TFPT: variants seen among roughly 807,000 people sequenced by gnomAD.
The protein encoded by TFPT is TCF3 fusion partner.
TFPT carries 27 observed loss-of-function variants against 28.8 expected under a neutral mutation model. The ratio of observed to expected loss-of-function variants is 0.94; its 90% CI spans 0.69 to 1.29. The LOEUF is 1.29. Among genes scored for constraint, TFPT ranks in the 50% most tolerant of loss-of-function variants. The pLI is 0.00. For synonymous variants in TFPT, 152 were observed against 142.8 expected (o/e 1.06, Z -0.46); for missense variants, 330 against 338.0 (o/e 0.98, Z 0.19).
At chr19:54,107,971 A>C (rs372234674) in intron 5 of TFPT, 55 bp downstream of exon 5, 4 of 1,488,090 alleles carry the variant, frequency 2.7e-6, no homozygotes, top group Non-Finnish European at 3.6e-6. Context: ...CCTTACCTGC[A>C]CTGGCGCCGG....
chr19:54,113,172 C>T (rs761201387), intron 2 of TFPT, among the ~76,000 whole-genome samples: 10 of 151,278 alleles, frequency 6.6e-5, no homozygotes, highest in South Asian at 2.1e-4. Context: ...CCCCCAGTAC[C>T]TCAGGATCAC....
At chr19:54,112,994 G>A (rs1345709641) in intron 2 of TFPT, among the ~76,000 whole-genome samples, 3 of 149,162 alleles carry the variant, frequency 2.0e-5, no homozygotes, top group African/African-American at 5.0e-5. Flanking sequence ...TAGGGAGGCT[G>A]AGTCAGGAGA....
At chr19:54,111,108 G>T (rs1466043024) in intron 2 of TFPT, among the ~76,000 whole-genome samples, 1 of 152,192 alleles carries the variant, frequency 6.6e-6, no homozygotes, top group African/African-American at 2.4e-5. Context: ...GGTGACAGGA[G>T]GAAAGTATGC....
At chr19:54,110,808 A>G (rs2073432313) in intron 2 of TFPT, among the ~76,000 whole-genome samples, 1 of 152,072 alleles carries the variant, frequency 6.6e-6, no homozygotes, top group African/African-American at 2.4e-5. Flanking sequence ...AGGAGGCAGG[A>G]CGCAGCCTCT....
chr19:54,110,934 A>G (rs1329020855), intron 2 of TFPT, among the ~76,000 whole-genome samples: 1 of 152,212 alleles, frequency 6.6e-6, no homozygotes, highest in African/African-American at 2.4e-5. Context: ...CACGTAGTAC[A>G]TCCTCGATGA....
At chr19:54,113,347 GTT>G (rs2073509105) in intron 2 of TFPT, among the ~76,000 whole-genome samples, 2 of 152,132 alleles carry the variant, frequency 1.3e-5, no homozygotes, top group African/African-American at 4.8e-5. Context: ...TCAGGGTGAT[GTT>G]TGTACGTGCC....
At chr19:54,107,737 A>C (rs2073312704) in intron 5 of TFPT, among the ~76,000 whole-genome samples, 1 of 151,666 alleles carries the variant, frequency 6.6e-6, no homozygotes, top group Non-Finnish European at 1.5e-5. Flanking sequence ...TTCCTTCTCC[A>C]GGTCTTCCTC....
intron 5 of TFPT, 128 bp from the exon 6 acceptor site, chr19:54,107,297 G>A (rs1273072028): frequency 1.1e-5 from 14 of 1,258,422 alleles, no homozygotes; most frequent in Non-Finnish European, 1.4e-5. Context: ...TGCCCAGGCT[G>A]GAGTGCAGTG....
chr19:54,107,208 A>G (rs1320676707), intron 5 of TFPT, 39 bp from the exon 6 acceptor site: 6 of 1,584,676 alleles, frequency 3.8e-6, no homozygotes, highest in Non-Finnish European at 5.1e-6. Context: ...CAGGCCTGGG[A>G]ATCTAGAAAA....
intron 3 of TFPT, among the ~76,000 whole-genome samples, 168 bp downstream of exon 3, chr19:54,109,883 A>AGCG (rs2073402169): frequency 1.0e-3 from 30 of 29,832 alleles, no homozygotes; most frequent in Non-Finnish European, 1.3e-3. Context: ...CTCCTCCAAC[A>AGCG]CCGAATCCCA....
chr19:54,107,783 C>A (rs1336542690), intron 5 of TFPT, among the ~76,000 whole-genome samples: 3 of 152,162 alleles, frequency 2.0e-5, no homozygotes, highest in Admixed American at 1.3e-4. Context: ...TTTACCCAAG[C>A]CTTTACCCCA....
At chr19:54,109,957 G>C (rs991181449) in intron 3 of TFPT, 94 bp downstream of exon 3, 25 of 1,267,942 alleles carry the variant, frequency 2.0e-5, no homozygotes, top group Non-Finnish European at 2.7e-5. Flanking sequence ...TGGCTTGTGA[G>C]GGTTGGGTGG....
At position 54,108,032 on chromosome 19, in the gene TFPT, C is replaced by G. The variant is rs193019766; in HGVS notation, c.636G>C (p.Pro212=). 1 of 1,519,408 alleles carries G rather than the reference C, an allele frequency of 6.6e-7. No individual in the cohort carries two copies. The highest frequency in any genetic ancestry group is 2.3e-5 in the East Asian group (1 of 44,052). 94.1% of individuals were successfully genotyped at this position (1,519,408 alleles called of 1,614,324 possible). A position where few individuals can be genotyped will look rare whatever the true frequency, so the allele number is the denominator to read the frequency against. The part of the protein sequence containing the change: ...AGNALTPELA[P]VQIKVEEDFG... Reference sequence around the variant, plus strand: ...GAGTTCCCGCCTTCCTCACCTGCACCGGGGCCAGCTCTGGAGTCAGCGCAT... The same window carrying G: ...GAGTTCCCGCCTTCCTCACCTGCACGGGGGCCAGCTCTGGAGTCAGCGCAT... The change falls in exon 5 of 6, where the codon CCG becomes CCC. Residue 212 remains proline, a synonymous_variant. Transcript: ENST00000391759.
chr19:54,110,903 C>A (rs1172023801), intron 2 of TFPT, among the ~76,000 whole-genome samples: 1 of 152,178 alleles, frequency 6.6e-6, no homozygotes, highest in African/African-American at 2.4e-5. Context: ...TTCTACATCC[C>A]GTGCCTTAAC....
intron 3 of TFPT, chr19:54,108,801 A>G (rs1195038035): frequency 9.0e-6 from 5 of 557,322 alleles, no homozygotes; most frequent in Non-Finnish European, 1.2e-5. Flanking sequence ...CACCTCTTAT[A>G]AACACCCCCT....
In TFPT at chr19:54,108,214, T is replaced by A. The variant is rs1311809936; in HGVS notation, c.454A>T (p.Thr152Ser). ...GGCTCATTCTCCGCATTGCCTGGGG[T>A]GGGGGCATCCGTGCCCTGGCTGCCC... ...DEGSQGTDAP[T>S]PGNAENEPPE... The change falls in exon 5 of 6, where the codon ACC (threonine) becomes TCC (serine). Residue 152 changes from threonine (T) to serine (S), a missense_variant. Coordinates refer to ENST00000391759, the MANE Select transcript of TFPT (RefSeq NM_013342.4). 6.3e-7 allele frequency: 1 copy of A among 1,597,032 alleles called. No individual in the cohort carries two copies.
At chr19:54,112,126 G>A (rs587594725) in intron 2 of TFPT, among the ~76,000 whole-genome samples, 1 of 151,852 alleles carries the variant, frequency 6.6e-6, no homozygotes, top group East Asian at 1.9e-4. Flanking sequence ...AAAATTAGCT[G>A]GGCTTGGTGG....
At chr19:54,114,910 C>G in intron 1 of TFPT, 1 of 741,040 alleles carries the variant, frequency 1.3e-6, no homozygotes, top group South Asian at 1.9e-5. Flanking sequence ...TTCGCAGCAC[C>G]CACAGGGTTC....
At chr19:54,110,941 A>G (rs1436828069) in intron 2 of TFPT, among the ~76,000 whole-genome samples, 2 of 152,202 alleles carry the variant, frequency 1.3e-5, no homozygotes, top group African/African-American at 2.4e-5. Flanking sequence ...TACATCCTCG[A>G]TGAACATTTG....
Sources: gnomAD v4.1 joint callset for allele counts (sites outside exome capture counted in the v4.1 genomes callset) on GRCh38, gnomAD v4.1.1 for gene constraint, MANE v1.5 for transcripts, NCBI Gene and HGNC (gene_info 2026-07-23, HGNC 2026-07-21) for gene names.